The following PIK3R4 variants were observed in gnomAD, a reference collection of about 807,000 sequenced individuals.
PIK3R4 encodes the protein phosphoinositide-3-kinase regulatory subunit 4, also known as phosphoinositide 3-kinase regulatory subunit 4.
A neutral mutation model predicts 136.5 loss-of-function variants in PIK3R4; 46 were observed. That is an observed-to-expected ratio of 0.34 (90% CI 0.27 to 0.43). The LOEUF is 0.43. Among genes scored for constraint, PIK3R4 ranks in the 20% least tolerant of loss-of-function variants. PIK3R4 has a pLI of 1.00. For missense variants in PIK3R4, 1,331 were observed against 1,649.5 expected, an observed-to-expected ratio of 0.81 and a Z score of 3.35; for synonymous variants, 557 against 566.7, an observed-to-expected ratio of 0.98 and a Z score of 0.24.
intron 15 of PIK3R4, 85 bp from the exon 16 acceptor site, chr3:130,684,466 C>G: frequency 8.1e-7 from 1 of 1,227,414 alleles, no homozygotes; most frequent in Non-Finnish European, 1.1e-6. Flanking sequence ...ATAGTATTAG[C>G]TTTTTATGAA....
At chr3:130,689,832 G>C (rs1374923511) in intron 14 of PIK3R4, among the ~76,000 whole-genome samples, 1 of 152,160 alleles carries the variant, frequency 6.6e-6, no homozygotes, top group Non-Finnish European at 1.5e-5. Flanking sequence ...GATTCTTAAA[G>C]CATAACATAT....
chr3:130,745,305 C>A, intron 1 of PIK3R4, 41 bp from the exon 2 acceptor site: 7 of 1,353,444 alleles, frequency 5.2e-6, no homozygotes, highest in Non-Finnish European at 7.0e-6. Context: ...AGACAAGAAA[C>A]AAAGAAGCTG....
chr3:130,736,563 GAC>G (rs773757587), intron 2 of PIK3R4, among the ~76,000 whole-genome samples: 9 of 151,922 alleles, frequency 5.9e-5, no homozygotes, highest in Non-Finnish European at 1.3e-4. Flanking sequence ...CAGCCTGGAT[GAC>G]AGAGTGAGAC....
intron 9 of PIK3R4, among the ~76,000 whole-genome samples, chr3:130,712,582 C>T (rs1485511096): frequency 1.3e-5 from 2 of 151,732 alleles, no homozygotes; most frequent in African/African-American, 4.8e-5. Context: ...ACAGAAGAAT[C>T]GCTTGAAACC....
chr3:130,745,623 T>C (rs1437564367), intron 1 of PIK3R4, among the ~76,000 whole-genome samples: 6 of 152,262 alleles, frequency 3.9e-5, no homozygotes, highest in South Asian at 2.1e-4. Context: ...GCCTTTACTA[T>C]GTGTTCCGTG....
rs964875363 is a variant in PIK3R4, at chr3:130,679,196, C to G, written c.*119G>C. The G allele has an allele frequency of 9.0e-6, 5 of 555,532 alleles. No individual in the cohort carries two copies. Among genetic ancestry groups the G allele is most frequent in the Non-Finnish European group, 1.5e-5 (5 of 341,640 alleles). The allele number at this position is 555,532 out of a possible 1,614,324, so 34.4% of individuals were successfully genotyped here. On this transcript the variant is annotated 3_prime_UTR_variant, in exon 20 of 20. Transcript: ENST00000356763. ...GTCATTTAGTCAGTCAGTCATGAAA[C>G]AGTAATATGGAGACATAATTTTGAA...
At chr3:130,739,565 G>T (rs1291506170) in intron 2 of PIK3R4, among the ~76,000 whole-genome samples, 4 of 151,882 alleles carry the variant, frequency 2.6e-5, no homozygotes, top group Non-Finnish European at 5.9e-5. Flanking sequence ...TAGAGACAGG[G>T]TTTCACCATA....
At chr3:130,715,089 C>G (rs2066655828) in intron 9 of PIK3R4, among the ~76,000 whole-genome samples, 1 of 151,630 alleles carries the variant, frequency 6.6e-6, no homozygotes, top group South Asian at 2.1e-4. Context: ...TCCTATTTCT[C>G]CACAGCCTCC....
Position 130,683,532 on chromosome 3 carries a change from A to T in PIK3R4, c.3607+718T>A, listed in dbSNP as rs542370511. On this transcript the variant is annotated intron_variant, in intron 16 of 19. Transcript: ENST00000356763. Reference sequence around the variant, plus strand: ...AATCAACTGATCAAATGATAAGTCAAATAAGAAAAGGGCTCACAGTAATAG... The same window carrying T: ...AATCAACTGATCAAATGATAAGTCATATAAGAAAAGGGCTCACAGTAATAG... Among the ~76,000 whole-genome samples the T allele has an allele frequency of 5.3e-5, 8 of 152,322 alleles. No individual in the cohort carries two copies. In the South Asian group the frequency reaches 1.7e-3, roughly 32 times the overall value.
chr3:130,705,106 C>T (rs1026533529), intron 12 of PIK3R4, among the ~76,000 whole-genome samples: 2 of 152,312 alleles, frequency 1.3e-5, no homozygotes, highest in Non-Finnish European at 2.9e-5. Flanking sequence ...GCTGGGATTA[C>T]AGGCATGAGC....
At chr3:130,712,944 G>C (rs149360532) in intron 9 of PIK3R4, among the ~76,000 whole-genome samples, 239 of 152,290 alleles carry the variant, frequency 1.6e-3, no homozygotes, top group African/African-American at 5.4e-3. Context: ...AGGAGTGTAG[G>C]CTTTGGAATC....
At chr3:130,726,552 A>T (rs914431869) in intron 6 of PIK3R4, among the ~76,000 whole-genome samples, 1 of 152,170 alleles carries the variant, frequency 6.6e-6, no homozygotes, top group Non-Finnish European at 1.5e-5. Flanking sequence ...AACGATCAGC[A>T]TATGACAGAA....
At chr3:130,725,439 G>C (rs1331459617) in intron 6 of PIK3R4, among the ~76,000 whole-genome samples, 1 of 151,690 alleles carries the variant, frequency 6.6e-6, no homozygotes, top group Non-Finnish European at 1.5e-5. Flanking sequence ...AGAAAATTTA[G>C]TTTTCATCCC....
chr3:130,722,388 A>ACT (rs2066706631), intron 7 of PIK3R4, among the ~76,000 whole-genome samples: 1 of 152,188 alleles, frequency 6.6e-6, no homozygotes, highest in African/African-American at 2.4e-5. Context: ...CAAAGACTAG[A>ACT]AATAGCAAGG....
chr3:130,680,369 T>G (rs559599688), intron 19 of PIK3R4, among the ~76,000 whole-genome samples: 4 of 152,334 alleles, frequency 2.6e-5, no homozygotes, highest in Non-Finnish European at 5.9e-5. Context: ...ATAATAAAAG[T>G]GCTTCCTTAC....
chr3:130,683,005 A>AGAT (rs1266074239), intron 16 of PIK3R4, among the ~76,000 whole-genome samples: 4 of 152,144 alleles, frequency 2.6e-5, no homozygotes, highest in African/African-American at 7.2e-5. Context: ...TGGACTAGGG[A>AGAT]GATAGTGATG....
intron 13 of PIK3R4, among the ~76,000 whole-genome samples, chr3:130,701,384 C>T (rs1249472747): frequency 6.6e-5 from 10 of 152,022 alleles, no homozygotes; most frequent in African/African-American, 2.2e-4. Context: ...TGGTGGCACA[C>T]GCCTGTAGTC....
intron 6 of PIK3R4, 112 bp downstream of exon 6, chr3:130,728,351 A>C (rs2066744352): frequency 8.9e-6 from 6 of 670,868 alleles, no homozygotes; most frequent in Non-Finnish European, 1.5e-5. Flanking sequence ...AATACTAGGA[A>C]TTCATTTCAT....
At chr3:130,717,330 C>T (rs2107612926) in intron 8 of PIK3R4, among the ~76,000 whole-genome samples, 1 of 152,142 alleles carries the variant, frequency 6.6e-6, no homozygotes, top group South Asian at 2.1e-4. Context: ...ATTAGCCTCT[C>T]AACTTCTGAT....
Sources: allele counts gnomAD v4.1 joint callset (sites outside exome capture counted in the v4.1 genomes callset), GRCh38; gene constraint gnomAD v4.1.1; transcripts MANE v1.5; gene names NCBI Gene and HGNC (gene_info 2026-07-23, HGNC 2026-07-21).